PDE1A: variants seen among roughly 807,000 people sequenced by gnomAD.
The protein encoded by PDE1A is dual specificity calcium/calmodulin-dependent 3',5'-cyclic nucleotide phosphodiesterase 1A.
A neutral mutation model predicts 61.7 loss-of-function variants in PDE1A; 35 were observed. The ratio of observed to expected loss-of-function variants is 0.57; its 90% CI spans 0.43 to 0.75. PDE1A has a LOEUF of 0.75. PDE1A is among the 30% of genes least tolerant of loss of function. The probability of loss-of-function intolerance (pLI) is 0.00; values close to 1 mark genes in which losing one functional copy is unlikely to be tolerated. For missense variants in PDE1A, 597 were observed against 630.6 expected, an observed-to-expected ratio of 0.95 and a Z score of 0.57; for synonymous variants, 232 against 213.2, an observed-to-expected ratio of 1.09 and a Z score of -0.77.
chr2:182,405,195 A>G (rs1702233475), intron 1 of PDE1A, among the ~76,000 whole-genome samples: 1 of 152,204 alleles, frequency 6.6e-6, no homozygotes, highest in South Asian at 2.1e-4. Flanking sequence ...TATATAGCAC[A>G]TGACCGTACA....
In PDE1A at chr2:182,244,030, G is replaced by A. The variant is rs192742893; in HGVS notation, c.168-3738C>T. Among the ~76,000 whole-genome samples the A allele has an allele frequency of 2.1e-3, 322 of 152,184 alleles. 2 individuals are homozygous for A. Among genetic ancestry groups the A allele is most frequent in the Non-Finnish European group, 2.3e-3 (155 of 68,004 alleles). On this transcript the variant is annotated intron_variant, in intron 2 of 13. Coordinates refer to ENST00000351439, the Ensembl canonical transcript of PDE1A. ...TTACAGGCACGTGCCACCACGCCTG[G>A]CTAATTTTGTATTTTTAGTAGAGAC...
Position 182,252,905 on chromosome 2 carries a change from T to C in PDE1A, c.167+11396A>G, listed in dbSNP as rs143815607. Among the ~76,000 whole-genome samples the C allele has an allele frequency of 8.0e-3, 1,217 of 152,216 alleles. 14 individuals carry two copies. Among genetic ancestry groups the C allele is most frequent in the South Asian group, 0.038 (184 of 4,820 alleles). The stretch of plus-strand genomic sequence containing the variant: ...GGAGAGTAGACAGAAGAAAAATATA[T>C]TGGGAAGTAGGCTATATAAATATAG... On this transcript the variant is annotated intron_variant, in intron 2 of 13. Transcript: ENST00000351439.
At chr2:182,505,093 C>T (rs1341801707) in intron 2 of PDE1A, among the ~76,000 whole-genome samples, 2 of 152,190 alleles carry the variant, frequency 1.3e-5, no homozygotes, top group Non-Finnish European at 2.9e-5. Context: ...AATTTTCTCT[C>T]ACAGGACACA....
chr2:182,440,785 A>G (rs908394789), intron 2 of PDE1A, among the ~76,000 whole-genome samples: 1 of 116,766 alleles, frequency 8.6e-6, no homozygotes, highest in African/African-American at 3.4e-5. Flanking sequence ...TTTAATTTTC[A>G]TGGGTTTTTT....
At chr2:182,186,002 G>C in exon 13 of PDE1A, 2 of 1,614,028 alleles carry the variant, frequency 1.2e-6, no homozygotes, top group East Asian at 4.5e-5. Context: ...TGGGGAATAG[G>C]ACCCATCACT....
the PDE1A span, among the ~76,000 whole-genome samples, chr2:182,697,801 T>A: frequency 7.9e-5 from 12 of 152,206 alleles, no homozygotes; most frequent in African/African-American, 2.7e-4. Flanking sequence ...GTTTTAGCAG[T>A]ATGGCTAAGA....
rs180991315 is a variant in PDE1A at position 182,418,070 on chromosome 2, C to T, written c.53+8508G>A. Among the ~76,000 whole-genome samples the T allele has an allele frequency of 1.2e-3, 176 of 152,216 alleles. 3 individuals are homozygous for T. The highest frequency in any genetic ancestry group is 7.8e-3 in the Admixed American group (119 of 15,288). ...AATAAATTTAAGTCCCAAGAGAATA[C>T]ACATTATAGCTAGAACTCAAATTAG... On this transcript the variant is annotated intron_variant, in intron 1 of 13. Transcript: ENST00000351439.
rs201821721 is a variant in PDE1A at position 182,364,466 on chromosome 2, TAAAA to T, written c.53+62108_53+62111del. Reference sequence around the variant, plus strand: ...CTCAGACTATATTAGAACACTTTGGTAAAAAAAAAAAAAAAAAAAAAAAAAAAAA... The same window carrying T: ...CTCAGACTATATTAGAACACTTTGGTAAAAAAAAAAAAAAAAAAAAAAAAA... On this transcript the variant is annotated intron_variant, in intron 1 of 13. Transcript: ENST00000351439. 6.6e-3 allele frequency among the ~76,000 whole-genome samples: 235 copies of T among 35,788 alleles called. 1 individual carries two copies. The highest frequency in any genetic ancestry group is 0.021 in the African/African-American group (206 of 9,764). The allele number at this position is 35,788 out of a possible 152,430, so 23.5% of individuals were successfully genotyped here. A position where few individuals can be genotyped will look rare whatever the true frequency, so the allele number is the denominator to read the frequency against.
intron 10 of PDE1A, 65 bp downstream of exon 10, chr2:182,201,374 A>T: frequency 6.4e-7 from 1 of 1,564,984 alleles, no homozygotes; most frequent in Admixed American, 1.8e-5. Flanking sequence ...CATACAGAAA[A>T]GGTGTACGCT....
At chr2:182,296,886 C>T (rs1295380768) in intron 1 of PDE1A, among the ~76,000 whole-genome samples, 4 of 152,144 alleles carry the variant, frequency 2.6e-5, no homozygotes, top group African/African-American at 9.7e-5. Flanking sequence ...GAACTCACCC[C>T]TTTTTTCTTT....
chr2:182,558,058 C>T, the PDE1A span, among the ~76,000 whole-genome samples: 1 of 152,090 alleles, frequency 6.6e-6, no homozygotes, highest in South Asian at 2.1e-4. Flanking sequence ...CCTAACATAG[C>T]TCTTCATATT....
At chr2:182,221,636 C>CACTT (rs578030800) in intron 7 of PDE1A, among the ~76,000 whole-genome samples, 1 of 152,046 alleles carries the variant, frequency 6.6e-6, no homozygotes, top group Non-Finnish European at 1.5e-5. Flanking sequence ...CCCTCCCCAA[C>CACTT]ACTTCACTGT....
downstream of PDE1A, among the ~76,000 whole-genome samples, chr2:182,145,559 C>G (rs1225480013): frequency 2.6e-5 from 4 of 152,042 alleles, no homozygotes; most frequent in African/African-American, 9.7e-5. Flanking sequence ...GAAACCCTGT[C>G]TCTACTAAAA....
At chr2:182,687,244 G>A in the PDE1A span, among the ~76,000 whole-genome samples, 4 of 152,204 alleles carry the variant, frequency 2.6e-5, no homozygotes, top group Admixed American at 1.3e-4. Context: ...CCTCAAGTGG[G>A]TCCCTGACCC....
At chr2:182,696,682 G>C in the PDE1A span, among the ~76,000 whole-genome samples, 3 of 152,176 alleles carry the variant, frequency 2.0e-5, no homozygotes, top group Non-Finnish European at 4.4e-5. Flanking sequence ...TCTGGGAGGG[G>C]ATGTTGACAA....
the PDE1A span, among the ~76,000 whole-genome samples, chr2:182,601,954 G>A: frequency 2.6e-5 from 4 of 152,168 alleles, no homozygotes; most frequent in African/African-American, 7.2e-5. Flanking sequence ...ACTCCATTCC[G>A]TGGGACTGGC....
At chr2:182,567,733 T>G in the PDE1A span, among the ~76,000 whole-genome samples, 7 of 152,136 alleles carry the variant, frequency 4.6e-5, no homozygotes, top group Non-Finnish European at 1.0e-4. Context: ...AATGAGTTTT[T>G]AATATCTTTT....
the PDE1A span, among the ~76,000 whole-genome samples, chr2:182,704,244 G>A: frequency 1.6e-4 from 24 of 146,842 alleles, no homozygotes; most frequent in Non-Finnish European, 3.0e-4. Flanking sequence ...AAAAACTCAA[G>A]TTTTTTAAAG....
chr2:182,247,563 C>T (rs1401031559), intron 2 of PDE1A, among the ~76,000 whole-genome samples: 1 of 152,186 alleles, frequency 6.6e-6, no homozygotes, highest in Non-Finnish European at 1.5e-5. Flanking sequence ...TTCCCTCGTA[C>T]CCGCCTTGTA....
Sources: gnomAD v4.1 joint callset for allele counts (sites outside exome capture counted in the v4.1 genomes callset) on GRCh38, gnomAD v4.1.1 for gene constraint, MANE v1.5 for transcripts, NCBI Gene and HGNC (gene_info 2026-07-23, HGNC 2026-07-21) for gene names.